CSNK1G1: variants seen among roughly 807,000 people sequenced by gnomAD.
CSNK1G1 encodes the protein casein kinase 1 gamma 1.
A neutral mutation model predicts 59.6 loss-of-function variants in CSNK1G1; 22 were observed. The ratio of observed to expected loss-of-function variants is 0.37; its 90% CI spans 0.26 to 0.53. CSNK1G1 has a LOEUF of 0.53. Ranked by LOEUF, CSNK1G1 falls within the 20% of genes least tolerant of loss-of-function variation. The pLI is 0.89. For missense variants in CSNK1G1, 384 were observed against 519.5 expected (o/e 0.74, Z 2.54); for synonymous variants, 179 against 177.1 (o/e 1.01, Z -0.08).
Position 64,216,558 on chromosome 15 carries a change from T to G in CSNK1G1, c.444+4A>C. On this transcript the variant is annotated splice_donor_region_variant and intron_variant, in intron 5 of 11. Transcript: ENST00000303052. This position sits in a 1 kb window ranked among gnomAD's most constrained non-coding sequence, Gnocchi z 4.6. ...TCTCTTCTAGAAGAGCAATTCCAAC[T>G]TACCAGCTGGATGGCTATCATTAAC... 6.2e-7 allele frequency: 1 copy of G among 1,613,722 alleles called. No homozygotes were observed. The highest frequency in any genetic ancestry group is 2.2e-5 in the East Asian group (1 of 44,876).
At chr15:64,226,944 T>C (rs2082470680) in intron 4 of CSNK1G1, among the ~76,000 whole-genome samples, 1 of 152,224 alleles carries the variant, frequency 6.6e-6, no homozygotes, top group African/African-American at 2.4e-5. Flanking sequence ...ACTTTCTTTA[T>C]CCATGTGTCT....
chr15:64,296,331 T>A (rs533890105), intron 2 of CSNK1G1, among the ~76,000 whole-genome samples: 1 of 152,084 alleles, frequency 6.6e-6, no homozygotes, highest in Non-Finnish European at 1.5e-5. Context: ...ACGTTGCTCA[T>A]GTTGGTATTG....
At chr15:64,318,574 TCTCA>T (rs993736040) in intron 1 of CSNK1G1, among the ~76,000 whole-genome samples, 1 of 151,816 alleles carries the variant, frequency 6.6e-6, no homozygotes, top group African/African-American at 2.4e-5. Flanking sequence ...AAAGACAGGC[TCTCA>T]CTCTGTTGCC....
chr15:64,305,599 G>A (rs1326705574), intron 1 of CSNK1G1, among the ~76,000 whole-genome samples: 2 of 150,362 alleles, frequency 1.3e-5, no homozygotes, highest in Non-Finnish European at 3.0e-5. Context: ...TACACCTATG[G>A]AACCAGCTAC....
chr15:64,265,520 C>A (rs1449637043), intron 2 of CSNK1G1, among the ~76,000 whole-genome samples: 2 of 152,154 alleles, frequency 1.3e-5, no homozygotes, highest in Non-Finnish European at 2.9e-5. Flanking sequence ...TGCTTTCTGC[C>A]ATGATTGTGA....
At chr15:64,206,880 T>C (rs2082189697) in intron 7 of CSNK1G1, among the ~76,000 whole-genome samples, 2 of 152,148 alleles carry the variant, frequency 1.3e-5, no homozygotes. Context: ...TTCAGGTGAG[T>C]TCTTAGCCTA....
At chr15:64,187,701 T>C (rs547442081) in intron 10 of CSNK1G1, among the ~76,000 whole-genome samples, 1 of 152,348 alleles carries the variant, frequency 6.6e-6, no homozygotes, top group South Asian at 2.1e-4. Context: ...GAGTTCACTG[T>C]GTGTCCCAAC....
chr15:64,244,428 G>A (rs193103733), intron 4 of CSNK1G1, among the ~76,000 whole-genome samples: 2 of 146,968 alleles, frequency 1.4e-5, no homozygotes, highest in East Asian at 4.0e-4. Flanking sequence ...TAGATTGGAA[G>A]AATATTGTAA....
chr15:64,199,799 C>T (rs117775830), intron 10 of CSNK1G1, among the ~76,000 whole-genome samples: 6,723 of 150,756 alleles, frequency 0.045, 194 homozygotes, highest in South Asian at 0.087. Flanking sequence ...GTTGCAGTGA[C>T]GCGAGATCGC....
chr15:64,264,487 A>C (rs901251706), intron 2 of CSNK1G1, among the ~76,000 whole-genome samples: 1 of 152,228 alleles, frequency 6.6e-6, no homozygotes. Context: ...TATTTCAAAA[A>C]ACCAAAGAGG....
intron 1 of CSNK1G1, among the ~76,000 whole-genome samples, chr15:64,306,971 T>G (rs2140414492): frequency 9.3e-6 from 1 of 106,986 alleles, no homozygotes; most frequent in Non-Finnish European, 1.9e-5. Flanking sequence ...TTGCCAGATA[T>G]TGTGGGTGGG....
At chr15:64,303,699 G>A (rs193289217) in intron 1 of CSNK1G1, among the ~76,000 whole-genome samples, 3 of 149,956 alleles carry the variant, frequency 2.0e-5, no homozygotes, top group Admixed American at 6.7e-5. Flanking sequence ...GCAGTGAGCC[G>A]AGATCATGCC....
In CSNK1G1 at chr15:64,259,194, T is replaced by C; in HGVS notation, c.222+7A>G. Reference sequence around the variant, plus strand: ...AACATTAATTACCACAAACAGATTCTACTCACCAGTTTGATTGCTACATAT... The same window carrying C: ...AACATTAATTACCACAAACAGATTCCACTCACCAGTTTGATTGCTACATAT... On this transcript the variant is annotated splice_region_variant and intron_variant, in intron 3 of 11. Coordinates refer to ENST00000303052, the MANE Select transcript of CSNK1G1 (RefSeq NM_022048.5). 1 of 1,586,304 alleles carries C rather than the reference T, an allele frequency of 6.3e-7. No individual in the cohort carries two copies. Among genetic ancestry groups the C allele is most frequent in the Non-Finnish European group, 8.6e-7 (1 of 1,163,596 alleles).
At chr15:64,222,981 A>C (rs1030364319) in intron 4 of CSNK1G1, among the ~76,000 whole-genome samples, 5 of 152,204 alleles carry the variant, frequency 3.3e-5, no homozygotes, top group Non-Finnish European at 7.4e-5. Context: ...AAAGTTTCTT[A>C]GTTATTTTCT....
At chr15:64,272,964 A>G (rs573906251) in intron 2 of CSNK1G1, among the ~76,000 whole-genome samples, 6 of 152,176 alleles carry the variant, frequency 3.9e-5, no homozygotes, top group Non-Finnish European at 8.8e-5. Context: ...TCGGCTTCCC[A>G]AAGTGCTGAA....
At chr15:64,264,034 A>G (rs1892849060) in intron 2 of CSNK1G1, among the ~76,000 whole-genome samples, 1 of 152,148 alleles carries the variant, frequency 6.6e-6, no homozygotes, top group Non-Finnish European at 1.5e-5. Context: ...TCAGTAGGTA[A>G]GAGATGCTAA....
At position 64,220,145 on chromosome 15, in the gene CSNK1G1, A is replaced by G. The variant is rs529937777; in HGVS notation, c.293-3432T>C. On this transcript the variant is annotated intron_variant, in intron 4 of 11. Transcript: ENST00000303052. ...AGTCTTGCTCTGTTGCTCAGGCCGGAATGCAGTGGCGTGGTCTCAGCTCAC... is the reference window on the plus strand; with the variant it reads ...AGTCTTGCTCTGTTGCTCAGGCCGGGATGCAGTGGCGTGGTCTCAGCTCAC... Among the ~76,000 whole-genome samples, 46 of 151,174 alleles carry G rather than the reference A, an allele frequency of 3.0e-4. No homozygotes were observed. In the East Asian group the frequency reaches 8.6e-3, roughly 28 times the overall value.
At chr15:64,265,093 C>T (rs1318485716) in intron 2 of CSNK1G1, among the ~76,000 whole-genome samples, 2 of 152,140 alleles carry the variant, frequency 1.3e-5, no homozygotes, top group Non-Finnish European at 2.9e-5. Context: ...TTGCAGACCA[C>T]ATAATCATAT....
At chr15:64,187,736 G>A (rs1022813908) in intron 10 of CSNK1G1, among the ~76,000 whole-genome samples, 5 of 152,116 alleles carry the variant, frequency 3.3e-5, no homozygotes, top group African/African-American at 1.2e-4. Flanking sequence ...ACCAGTATGA[G>A]AACAATATTG....
Sources: gnomAD v4.1 joint callset for allele counts (sites outside exome capture counted in the v4.1 genomes callset) on GRCh38, gnomAD v4.1.1 for gene constraint, Gnocchi (gnomAD v3.1) non-coding constraint, MANE v1.5 for transcripts, NCBI Gene and HGNC (gene_info 2026-07-23, HGNC 2026-07-21) for gene names.